SFMBT2: variants seen among roughly 807,000 people sequenced by gnomAD.
SFMBT2 encodes scm-like with four MBT domains protein 2.
SFMBT2 carries 38 observed loss-of-function variants against 110.1 expected under a neutral mutation model. That is an observed-to-expected ratio of 0.35 (90% CI 0.27 to 0.45). The LOEUF (loss-of-function observed/expected upper bound fraction) is 0.45, where lower values mean the gene tolerates loss of function less well. SFMBT2 is among the 20% of genes least tolerant of loss of function. SFMBT2 has a pLI of 1.00. For missense variants in SFMBT2, 1,011 were observed against 1,094.9 expected, an observed-to-expected ratio of 0.92 and a Z score of 1.08; for synonymous variants, 425 against 425.4, an observed-to-expected ratio of 1.00 and a Z score of 0.01.
At chr10:7,248,300 A>C (rs1000378811) in intron 8 of SFMBT2, among the ~76,000 whole-genome samples, 2 of 152,262 alleles carry the variant, frequency 1.3e-5, no homozygotes, top group South Asian at 2.1e-4. Context: ...GTGGACAACT[A>C]TCAGAAGACA....
intron 4 of SFMBT2, among the ~76,000 whole-genome samples, chr10:7,360,337 C>T (rs650291): frequency 0.071 from 10,814 of 152,098 alleles, 525 homozygotes; most frequent in Non-Finnish European, 0.11. Flanking sequence ...CATGGTGGTG[C>T]GTGCCTGTAG....
intron 11 of SFMBT2, 127 bp from the exon 12 acceptor site, chr10:7,206,055 CAAA>C: frequency 7.1e-7 from 1 of 1,405,006 alleles, no homozygotes; most frequent in Non-Finnish European, 9.3e-7. Context: ...AAAACAAAAA[CAAA>C]AACAAAATAG....
chr10:7,376,716 A>AAAG (rs1564465251), intron 2 of SFMBT2, among the ~76,000 whole-genome samples: 2 of 132,894 alleles, frequency 1.5e-5, no homozygotes, highest in Non-Finnish European at 3.2e-5. Context: ...AAAAAAAAAA[A>AAAG]GGCCCTCCCA....
intron 4 of SFMBT2, among the ~76,000 whole-genome samples, chr10:7,356,181 T>C (rs181418479): frequency 6.6e-6 from 1 of 152,288 alleles, no homozygotes; most frequent in Admixed American, 6.5e-5. Flanking sequence ...TGAATACACA[T>C]GGTTGTCTGT....
intron 7 of SFMBT2, among the ~76,000 whole-genome samples, chr10:7,271,322 G>A (rs1841575313): frequency 6.7e-6 from 1 of 148,792 alleles, no homozygotes; most frequent in Admixed American, 6.7e-5. Context: ...TTAAATTCAA[G>A]GAGTTGAAGA....
In SFMBT2 at chr10:7,367,571, C is replaced by G; in HGVS notation, c.436+78G>C. ...ACCATTAGGGATTCTACGCAAGGTT[C>G]TCTCTGCTCCTTGCAAAATTACAGG... On this transcript the variant is annotated intron_variant, in intron 4 of 20. Transcript: ENST00000397167. The surrounding 1 kb of genome is among the most constrained non-coding windows in gnomAD (Gnocchi z 6.2). The G allele has an allele frequency of 5.8e-6, 9 of 1,541,258 alleles. No individual in the cohort carries two copies. The highest frequency in any genetic ancestry group is 7.8e-6 in the Non-Finnish European group (9 of 1,147,784).
chr10:7,283,495 T>C (rs1292543494), intron 6 of SFMBT2, among the ~76,000 whole-genome samples: 1 of 152,046 alleles, frequency 6.6e-6, no homozygotes, highest in East Asian at 1.9e-4. Context: ...GATAGATGGG[T>C]GGATGAGTAG....
intron 4 of SFMBT2, among the ~76,000 whole-genome samples, chr10:7,338,761 A>G (rs1843798422): frequency 6.6e-6 from 1 of 152,152 alleles, no homozygotes; most frequent in Non-Finnish European, 1.5e-5. Context: ...AGATGCTCAC[A>G]TCTTCTTCTA....
At chr10:7,266,690 G>A (rs918819701) in intron 7 of SFMBT2, among the ~76,000 whole-genome samples, 2 of 152,202 alleles carry the variant, frequency 1.3e-5, no homozygotes, top group South Asian at 4.1e-4. Context: ...TGCAGTCGGG[G>A]GACGCAATGA....
chr10:7,169,775 AG>A (rs911657828), intron 20 of SFMBT2, among the ~76,000 whole-genome samples: 1 of 152,184 alleles, frequency 6.6e-6, no homozygotes, highest in African/African-American at 2.4e-5. Flanking sequence ...TATTAATTTA[AG>A]GGATAATGTA....
At chr10:7,189,282 T>C (rs1838519500) in intron 15 of SFMBT2, 1 of 629,672 alleles carries the variant, frequency 1.6e-6, no homozygotes, top group African/African-American at 2.0e-5. Flanking sequence ...TGTGAATATT[T>C]TAAAAGAGAG....
At chr10:7,397,734 C>A (rs1463984084) in intron 1 of SFMBT2, among the ~76,000 whole-genome samples, 1 of 152,250 alleles carries the variant, frequency 6.6e-6, no homozygotes, top group Admixed American at 6.5e-5. Flanking sequence ...CCAGGAAGAA[C>A]CGCATCTGTA....
chr10:7,277,653 G>A (rs1387033820), intron 6 of SFMBT2, among the ~76,000 whole-genome samples: 2 of 151,754 alleles, frequency 1.3e-5, no homozygotes, highest in African/African-American at 4.8e-5. Flanking sequence ...AAAAAAAAAC[G>A]TTGAGCACTG....
chr10:7,175,027 T>C (rs1333934916), intron 17 of SFMBT2, among the ~76,000 whole-genome samples: 1 of 152,228 alleles, frequency 6.6e-6, no homozygotes, highest in African/African-American at 2.4e-5. Context: ...GCACAGCGTT[T>C]CCAGTACATT....
intron 1 of SFMBT2, among the ~76,000 whole-genome samples, chr10:7,404,098 T>A (rs1437772811): frequency 1.3e-5 from 2 of 152,202 alleles, no homozygotes; most frequent in African/African-American, 4.8e-5. Flanking sequence ...TATGTATCCA[T>A]AAAAGCTTCT....
chr10:7,199,059 ACCT>A (rs1838868405), intron 14 of SFMBT2, among the ~76,000 whole-genome samples: 1 of 152,060 alleles, frequency 6.6e-6, no homozygotes, highest in Non-Finnish European at 1.5e-5. Context: ...GCTCACTGCA[ACCT>A]CCACCACCTG....
Position 7,367,899 on chromosome 10 carries a change from T to C in SFMBT2, c.196-10A>G. The C allele has an allele frequency of 6.2e-7, 1 of 1,613,538 alleles. No homozygotes were observed. Among genetic ancestry groups the C allele is most frequent in the Non-Finnish European group, 8.5e-7 (1 of 1,179,710 alleles). On this transcript the variant is annotated splice_polypyrimidine_tract_variant and intron_variant, in intron 3 of 20. Coordinates refer to ENST00000397167, the MANE Select transcript of SFMBT2 (RefSeq NM_001387889.1). The surrounding 1 kb of genome is among the most constrained non-coding windows in gnomAD (Gnocchi z 6.2). ...GAATGCTGATTTCAACCTTAAGGAA[T>C]CAGAAATAGAGAAAACCCATTACTA...
At chr10:7,213,936 C>G (rs1437464678) in intron 11 of SFMBT2, among the ~76,000 whole-genome samples, 2 of 152,182 alleles carry the variant, frequency 1.3e-5, no homozygotes, top group East Asian at 3.9e-4. Flanking sequence ...GGATTCTAAC[C>G]TCTACATCTG....
intron 13 of SFMBT2, among the ~76,000 whole-genome samples, chr10:7,201,962 AC>A (rs1463489432): frequency 6.6e-6 from 1 of 152,174 alleles, no homozygotes; most frequent in African/African-American, 2.4e-5. Flanking sequence ...CTTTGTAAGT[AC>A]CCCCAAATTG....
Sources: allele counts gnomAD v4.1 joint callset (sites outside exome capture counted in the v4.1 genomes callset), GRCh38; gene constraint gnomAD v4.1.1; non-coding constraint Gnocchi (gnomAD v3.1); transcripts MANE v1.5; gene names NCBI Gene and HGNC (gene_info 2026-07-23, HGNC 2026-07-21).